Variants in TNFSF4 observed in about 807,000 individuals in gnomAD.
TNFSF4 encodes the protein tumor necrosis factor ligand superfamily member 4.
In TNFSF4, 4 loss-of-function variants were observed where a neutral mutation model predicts 7.3. The ratio of observed to expected loss-of-function variants is 0.55; its 90% CI spans 0.27 to 1.25. The LOEUF (loss-of-function observed/expected upper bound fraction) is 1.25. Among genes scored for constraint, TNFSF4 ranks in the 50% most tolerant of loss-of-function variants. The pLI, the probability that TNFSF4 is intolerant of heterozygous loss-of-function variation, is 0.12. For synonymous variants in TNFSF4, 76 were observed against 83.7 expected, an observed-to-expected ratio of 0.91 and a Z score of 0.50; for missense variants, 181 against 208.8, an observed-to-expected ratio of 0.87 and a Z score of 0.82.
the TNFSF4 span, among the ~76,000 whole-genome samples, chr1:173,413,077 C>T: frequency 6.6e-6 from 1 of 152,018 alleles, no homozygotes; most frequent in African/African-American, 2.4e-5. Flanking sequence ...AGGGAATCTC[C>T]AAGGGGGATT....
At chr1:173,405,526 A>T in the TNFSF4 span, among the ~76,000 whole-genome samples, 1 of 152,234 alleles carries the variant, frequency 6.6e-6, no homozygotes, top group Non-Finnish European at 1.5e-5. Flanking sequence ...AAGATATTTG[A>T]GGGCACTTGA....
the TNFSF4 span, among the ~76,000 whole-genome samples, chr1:173,439,554 TG>T: frequency 6.6e-6 from 1 of 152,188 alleles, no homozygotes; most frequent in Admixed American, 6.5e-5. Context: ...TGGCAGCCTG[TG>T]GCCTCAATCC....
chr1:173,224,131 A>C, the TNFSF4 span, among the ~76,000 whole-genome samples: 352 of 152,336 alleles, frequency 2.3e-3, 4 homozygotes, highest in Middle Eastern at 0.02. Context: ...CATTTTCAGA[A>C]AGGGAAGATC....
At chr1:173,337,096 A>G in the TNFSF4 span, among the ~76,000 whole-genome samples, 1 of 152,146 alleles carries the variant, frequency 6.6e-6, no homozygotes, top group Admixed American at 6.5e-5. Flanking sequence ...ATCCAACCAT[A>G]CTTAAAATGA....
At chr1:173,314,523 A>C in the TNFSF4 span, among the ~76,000 whole-genome samples, 14 of 152,022 alleles carry the variant, frequency 9.2e-5, 1 homozygote, top group South Asian at 2.9e-3. Flanking sequence ...TAGCACATCC[A>C]TTTTGCATAC....
the TNFSF4 span, among the ~76,000 whole-genome samples, chr1:173,286,513 AATAG>A: frequency 6.6e-6 from 1 of 152,220 alleles, no homozygotes; most frequent in Non-Finnish European, 1.5e-5. Flanking sequence ...CAGTCAATTC[AATAG>A]ATAGTGATGG....
At chr1:173,225,970 C>T in the TNFSF4 span, among the ~76,000 whole-genome samples, 25 of 152,128 alleles carry the variant, frequency 1.6e-4, no homozygotes, top group Non-Finnish European at 7.4e-5. Flanking sequence ...ACCTAGTAAA[C>T]TCTCACTGTG....
chr1:173,384,871 T>C, the TNFSF4 span, among the ~76,000 whole-genome samples: 1 of 152,224 alleles, frequency 6.6e-6, no homozygotes, highest in African/African-American at 2.4e-5. Context: ...ATGTTAAATA[T>C]AAATTTTTAT....
the TNFSF4 span, among the ~76,000 whole-genome samples, chr1:173,396,500 A>T: frequency 6.6e-6 from 1 of 152,198 alleles, no homozygotes; most frequent in African/African-American, 2.4e-5. Context: ...ACAGAGTGAG[A>T]CCCTGCCTCA....
chr1:173,430,171 G>A, the TNFSF4 span, among the ~76,000 whole-genome samples: 1 of 152,176 alleles, frequency 6.6e-6, no homozygotes, highest in Non-Finnish European at 1.5e-5. Flanking sequence ...CGGTTGCAGG[G>A]AATCTAATAT....
chr1:173,381,769 G>A, the TNFSF4 span, among the ~76,000 whole-genome samples: 9 of 152,262 alleles, frequency 5.9e-5, no homozygotes, highest in Middle Eastern at 3.4e-3. Context: ...AGGTGAAGCC[G>A]GCTGGGCTTC....
At chr1:173,338,732 CA>C in the TNFSF4 span, among the ~76,000 whole-genome samples, 28 of 152,184 alleles carry the variant, frequency 1.8e-4, no homozygotes, top group Non-Finnish European at 3.5e-4. Context: ...CCTGTTCCCA[CA>C]ACTTTATGCT....
At chr1:173,228,952 G>C in the TNFSF4 span, among the ~76,000 whole-genome samples, 6 of 152,338 alleles carry the variant, frequency 3.9e-5, no homozygotes, top group African/African-American at 1.4e-4. Flanking sequence ...ATCTATGTCT[G>C]ACTGGTGTAC....
upstream of TNFSF4, among the ~76,000 whole-genome samples, chr1:173,209,504 C>CATTT (rs1244905302): frequency 6.6e-6 from 1 of 151,998 alleles, no homozygotes; most frequent in Non-Finnish European, 1.5e-5. Flanking sequence ...TTTTCATTTG[C>CATTT]ATTTATTTAT....
chr1:173,186,217 T>G lies in TNFSF4; in HGVS notation c.*299A>C, dbSNP rs1234341848. On this transcript the variant is annotated 3_prime_UTR_variant, in exon 3 of 3. Coordinates refer to ENST00000281834, the MANE Select transcript of TNFSF4 (RefSeq NM_003326.5). Reference sequence around the variant, plus strand: ...CCTGACCAATAGAAACAATGCATCTTGAAGAAGAGGCATCTATTTTTTCTT... The same window carrying G: ...CCTGACCAATAGAAACAATGCATCTGGAAGAAGAGGCATCTATTTTTTCTT... The G allele has an allele frequency of 7.0e-6, 2 of 285,918 alleles. No homozygotes were observed. The highest frequency in any genetic ancestry group is 1.3e-5 in the Non-Finnish European group (2 of 152,684). 17.7% of individuals were successfully genotyped at this position (285,918 alleles called of 1,614,324 possible). A position where few individuals can be genotyped will look rare whatever the true frequency, so the allele number is the denominator to read the frequency against.
chr1:173,424,973 T>C, the TNFSF4 span, among the ~76,000 whole-genome samples: 1 of 152,248 alleles, frequency 6.6e-6, no homozygotes, highest in Non-Finnish European at 1.5e-5. Context: ...TTTCTTATTC[T>C]TTAAATATTC....
chr1:173,315,500 C>T, the TNFSF4 span, among the ~76,000 whole-genome samples: 1 of 152,052 alleles, frequency 6.6e-6, no homozygotes, highest in East Asian at 1.9e-4. Context: ...CAATAAAAGA[C>T]TACTGAAGAT....
chr1:173,355,570 A>G, the TNFSF4 span, among the ~76,000 whole-genome samples: 3 of 152,196 alleles, frequency 2.0e-5, no homozygotes, highest in Non-Finnish European at 4.4e-5. Context: ...AGAATTTAAC[A>G]GGGCCTCCAC....
At chr1:173,283,927 C>CAAAA in the TNFSF4 span, among the ~76,000 whole-genome samples, 2 of 62,418 alleles carry the variant, frequency 3.2e-5, no homozygotes, top group Non-Finnish European at 6.6e-5. Flanking sequence ...CTTATGAATG[C>CAAAA]AAAAAAAAAA....
Sources: allele counts gnomAD v4.1 joint callset (sites outside exome capture counted in the v4.1 genomes callset), GRCh38; gene constraint gnomAD v4.1.1; transcripts MANE v1.5; gene names NCBI Gene and HGNC (gene_info 2026-07-23, HGNC 2026-07-21).